Variants in ADGRV1 observed in about 807,000 individuals in gnomAD.
ADGRV1 encodes the protein G-protein coupled receptor 98.
In ADGRV1, 359 loss-of-function variants were observed where a neutral mutation model predicts 596.2. The observed-to-expected ratio is 0.60, with a 90% CI of 0.55 to 0.66. The LOEUF is 0.66. Among genes scored for constraint, ADGRV1 ranks in the 30% least tolerant of loss-of-function variants. ADGRV1 has a pLI of 0.00. For missense variants in ADGRV1, 7,274 were observed against 7,575.6 expected (o/e 0.96, Z 1.48); for synonymous variants, 2,681 against 2,679.2 (o/e 1.00, Z -0.02).
At chr5:91,070,590 A>C (rs1788302048) in intron 85 of ADGRV1, among the ~76,000 whole-genome samples, 1 of 152,254 alleles carries the variant, frequency 6.6e-6, no homozygotes, top group South Asian at 2.1e-4. Context: ...GAACCTGTTT[A>C]ACGTTCCTCC....
chr5:90,670,214 G>A (rs1327185938), intron 21 of ADGRV1, among the ~76,000 whole-genome samples: 2 of 152,130 alleles, frequency 1.3e-5, no homozygotes, highest in Non-Finnish European at 2.9e-5. Context: ...GACTGATACA[G>A]GAGGAAAGTC....
chr5:90,919,273 A>C (rs1294300074), intron 83 of ADGRV1, among the ~76,000 whole-genome samples: 2 of 152,202 alleles, frequency 1.3e-5, no homozygotes, highest in African/African-American at 4.8e-5. Flanking sequence ...GCATCTATAT[A>C]TTCCCAAACA....
intron 32 of ADGRV1, among the ~76,000 whole-genome samples, chr5:90,693,397 A>G (rs188494783): frequency 6.6e-6 from 1 of 152,230 alleles, no homozygotes; most frequent in Admixed American, 6.5e-5. Flanking sequence ...TACAATGTAA[A>G]TGCTATATAA....
Position 90,644,851 on chromosome 5 carries a change from T to G in ADGRV1, c.2880T>G (p.Ile960Met). ...AGGAATTTTCAAAAAATATCACCAT[T>G]TACTCCCTTCCAGATGAGGTAAATA... ...GDQEFSKNIT[I>M]YSLPDEIPEE... The change falls in exon 15 of 90, where the codon ATT becomes ATG. Residue 960 changes from isoleucine to methionine, a missense_variant. Physicochemically the swap from Ile to Met is conservative, Grantham distance 10 (BLOSUM62 1). Transcript: ENST00000405460. 1 of 1,603,614 alleles carries G rather than the reference T, an allele frequency of 6.2e-7. No individual in the cohort carries two copies.
chr5:90,686,865 C>T (rs1394103500), intron 29 of ADGRV1, among the ~76,000 whole-genome samples: 6 of 152,202 alleles, frequency 3.9e-5, no homozygotes. Context: ...TCCACATCCT[C>T]TCCAGCACCT....
At chr5:90,778,380 T>G in intron 62 of ADGRV1, 47 bp from the exon 63 acceptor site, 4 of 1,536,214 alleles carry the variant, frequency 2.6e-6, no homozygotes, top group Non-Finnish European at 3.6e-6. Context: ...GAGTTTTTCT[T>G]GAAATTCCAC....
chr5:90,619,776 G>A (rs1308485861), intron 4 of ADGRV1, among the ~76,000 whole-genome samples: 5 of 120,694 alleles, frequency 4.1e-5, no homozygotes, highest in South Asian at 2.8e-4. Context: ...AACAGACGCC[G>A]GTGTGTGATG....
In ADGRV1 at chr5:91,164,334, C is replaced by G. The variant is rs1456003349; in HGVS notation, c.*434C>G. On this transcript the variant is annotated 3_prime_UTR_variant, in exon 90 of 90. Transcript: ENST00000405460. ...GCCATCTTGCATGAATCCAGGTGAT[C>G]CAGATTCAAGACTTCACTGCAACTA... 8.2e-6 allele frequency: 2 copies of G among 245,212 alleles called. No homozygotes were observed. Among genetic ancestry groups the G allele is most frequent in the Non-Finnish European group, 1.6e-5 (2 of 121,570 alleles). The allele number at this position is 245,212 out of a possible 1,614,324, so 15.2% of individuals were successfully genotyped here.
chr5:90,684,241 C>G (rs1458114323), intron 28 of ADGRV1, 46 bp downstream of exon 28: 1 of 1,469,500 alleles, frequency 6.8e-7, no homozygotes, highest in Non-Finnish European at 9.1e-7. Flanking sequence ...CTCTCAGAAT[C>G]CTGAAACAAT....
In ADGRV1 at chr5:90,627,309, GA is replaced by G. The variant is rs1220886340; in HGVS notation, c.776del (p.Asn259MetfsTer5). On this transcript the variant is annotated frameshift_variant, in exon 7 of 90. Coordinates refer to ENST00000405460, the MANE Select transcript of ADGRV1 (RefSeq NM_032119.4). LOFTEE classifies it high-confidence loss of function. ...GGAATTCCATTGAGATCATCATTAAGAAAAATGATAGTCCCGTGAGATTCCT... is the reference window on the plus strand; with the variant it reads ...GGAATTCCATTGAGATCATCATTAAGAAAATGATAGTCCCGTGAGATTCCT... Reference protein sequence around the residue: ...SRNSIEIIIKKNDSPVRFLQS... With the variant: ...SRNSIEIIIKXNDSPVRFLQS... The G allele has an allele frequency of 1.2e-6, 2 of 1,612,168 alleles. No individual in the cohort carries two copies. Among genetic ancestry groups the G allele is most frequent in the Non-Finnish European group, 1.7e-6 (2 of 1,178,376 alleles).
chr5:90,927,677 G>A lies in ADGRV1; in HGVS notation c.17857-37738G>A, dbSNP rs578172605. Among the ~76,000 whole-genome samples, 81 of 152,002 alleles carry A rather than the reference G, an allele frequency of 5.3e-4. 2 individuals are homozygous for A. The Middle Eastern group carries it at 0.02, about 38-fold the overall frequency. ...TGTGTGAATTTGATCCTGTCATTAT[G>A]ATGTTAGGGGTGATTTTGCTCGTTA... On this transcript the variant is annotated intron_variant, in intron 83 of 89. Transcript: ENST00000405460.
chr5:91,131,322 A>G (rs1294075161), intron 87 of ADGRV1, among the ~76,000 whole-genome samples: 1 of 151,362 alleles, frequency 6.6e-6, no homozygotes, highest in Non-Finnish European at 1.5e-5. Flanking sequence ...ATGATATCTC[A>G]TTATGGTTTT....
At chr5:91,077,089 TA>T (rs1322749243) in intron 86 of ADGRV1, among the ~76,000 whole-genome samples, 2 of 152,178 alleles carry the variant, frequency 1.3e-5, no homozygotes, top group Non-Finnish European at 2.9e-5. Flanking sequence ...GGTGGTACTG[TA>T]AATTCACGTT....
chr5:90,776,505 G>GAT lies in ADGRV1; in HGVS notation c.12458_12459dup (p.Ala4154Ter). The GAT allele has an allele frequency of 6.2e-7, 1 of 1,613,250 alleles. No individual in the cohort carries two copies. The highest frequency in any genetic ancestry group is 1.1e-5 in the South Asian group (1 of 91,074). ...ATAAGCGAGCATCAGGAGAAGTTGG[G>GAT]ATAGCTCCGTCATCTAGGCACATCC... On this transcript the variant is annotated frameshift_variant, in exon 61 of 90. Coordinates refer to ENST00000405460, the MANE Select transcript of ADGRV1 (RefSeq NM_032119.4). LOFTEE classifies it high-confidence loss of function.
chr5:90,684,630 T>C (rs2149588116), intron 28 of ADGRV1, among the ~76,000 whole-genome samples: 1 of 152,282 alleles, frequency 6.6e-6, no homozygotes, highest in South Asian at 2.1e-4. Context: ...GAGGGTCTGC[T>C]TCCTGGGCCT....
Position 90,797,673 on chromosome 5 carries a change from T to G in ADGRV1, c.14518-5066T>G, listed in dbSNP as rs564071307. Among the ~76,000 whole-genome samples, 73 of 152,198 alleles carry G rather than the reference T, an allele frequency of 4.8e-4. 1 individual carries two copies. The highest frequency in any genetic ancestry group is 1.5e-3 in the African/African-American group (64 of 41,554). On this transcript the variant is annotated intron_variant, in intron 70 of 89. Transcript: ENST00000405460. ...CTCCACCCCAAATCAACGGAATATA[T>G]CTTCTTCTCAGCACCTCGTCGCACT...
Position 90,815,602 on chromosome 5 carries a change from T to A in ADGRV1, c.16079-17T>A, listed in dbSNP as rs1432812195. 3 of 1,327,026 alleles carry A rather than the reference T, an allele frequency of 2.3e-6. No individual in the cohort carries two copies. Among genetic ancestry groups the A allele is most frequent in the Admixed American group, 3.9e-5 (2 of 50,974 alleles). The allele number at this position is 1,327,026 out of a possible 1,614,324, so 82.2% of individuals were successfully genotyped here. A position where few individuals can be genotyped will look rare whatever the true frequency, so the allele number is the denominator to read the frequency against. ...ATAATTCTTGAATATATTATAGCCC[T>A]CCATTCTTTTTTTCAGGGAGTGACC... On this transcript the variant is annotated splice_polypyrimidine_tract_variant and intron_variant, in intron 74 of 89. Coordinates refer to ENST00000405460, the MANE Select transcript of ADGRV1 (RefSeq NM_032119.4).
In ADGRV1 at chr5:90,757,019, C is replaced by T. The variant is rs1160448959; in HGVS notation, c.11798C>T (p.Pro3933Leu). Reference protein sequence around the residue: ...EVITAYEVPPPLNVLQVPVVR... With the variant: ...EVITAYEVPPLLNVLQVPVVR... ...ATTACTGCCTATGAGGTGCCTCCAC[C>T]CTTGAACGTTCTTCAAGTTCCTGTA... Residue 3933 changes from proline (P) to leucine (L), a missense_variant, in exon 57 of 90, where the codon CCC becomes CTC. Pro to Leu is a moderately conservative substitution (Grantham distance 98). Around this residue, in one of 5 missense-constraint regions of ADGRV1, gnomAD observed 3,643 missense variants for 3,809.2 expected, o/e 0.96. Coordinates refer to ENST00000405460, the MANE Select transcript of ADGRV1 (RefSeq NM_032119.4). 1.9e-6 allele frequency: 3 copies of T among 1,613,548 alleles called. No individual in the cohort carries two copies. The highest frequency in any genetic ancestry group is 2.2e-5 in the South Asian group (2 of 91,002).
At chr5:90,744,257 C>T (rs908234954) in intron 50 of ADGRV1, among the ~76,000 whole-genome samples, 2 of 152,204 alleles carry the variant, frequency 1.3e-5, no homozygotes, top group Non-Finnish European at 1.5e-5. Flanking sequence ...GCTAGGATTA[C>T]AGATGTGAGC....
Sources: gnomAD v4.1 joint callset for allele counts (sites outside exome capture counted in the v4.1 genomes callset) on GRCh38, gnomAD v4.1.1 for gene constraint, gnomAD v4.1.1 regional missense constraint, MANE v1.5 for transcripts, NCBI Gene and HGNC (gene_info 2026-07-23, HGNC 2026-07-21) for gene names.